RPAP2: variants seen among roughly 807,000 people sequenced by gnomAD.
RPAP2 encodes RNA polymerase II associated protein 2.
RPAP2 carries 52 observed loss-of-function variants against 73.1 expected under a neutral mutation model. The ratio of observed to expected loss-of-function variants is 0.71; its 90% CI spans 0.57 to 0.90. The LOEUF is 0.90. Ranked by LOEUF, RPAP2 falls within the 40% of genes least tolerant of loss-of-function variation. The probability of loss-of-function intolerance (pLI) is 0.00; values close to 1 mark genes in which losing one functional copy is unlikely to be tolerated. For missense variants in RPAP2, 598 were observed against 701.8 expected, an observed-to-expected ratio of 0.85 and a Z score of 1.67; for synonymous variants, 225 against 242.1, an observed-to-expected ratio of 0.93 and a Z score of 0.65.
chr1:92,345,400 AAGAGAG>A (rs1180516669), intron 10 of RPAP2, among the ~76,000 whole-genome samples: 1 of 138,318 alleles, frequency 7.2e-6, no homozygotes, highest in African/African-American at 2.7e-5. Flanking sequence ...AAAAAAAAAA[AAGAGAG>A]AGAGAGAAGA....
intron 6 of RPAP2, among the ~76,000 whole-genome samples, chr1:92,318,634 A>G (rs531762082): frequency 1.3e-5 from 2 of 152,270 alleles, no homozygotes; most frequent in South Asian, 2.1e-4. Flanking sequence ...TTTTCTTCAT[A>G]TGGGCTCTCA....
intron 11 of RPAP2, among the ~76,000 whole-genome samples, chr1:92,362,365 A>G (rs1654766545): frequency 6.6e-6 from 1 of 152,152 alleles, no homozygotes; most frequent in African/African-American, 2.4e-5. Context: ...AAATGCTTCC[A>G]TTTTATTCCT....
intron 6 of RPAP2, among the ~76,000 whole-genome samples, chr1:92,316,904 T>C (rs532016670): frequency 1.3e-5 from 2 of 152,288 alleles, no homozygotes; most frequent in South Asian, 4.1e-4. Flanking sequence ...TCTTTATAGA[T>C]TGGGGATGAG....
chr1:92,380,138 C>T (rs907379302), intron 11 of RPAP2, among the ~76,000 whole-genome samples: 3 of 151,100 alleles, frequency 2.0e-5, no homozygotes, highest in East Asian at 2.0e-4. Context: ...ATTAGCCGGG[C>T]GTGGTGGCAA....
At chr1:92,301,922 C>T (rs1015033630) in intron 3 of RPAP2, among the ~76,000 whole-genome samples, 2 of 152,132 alleles carry the variant, frequency 1.3e-5, no homozygotes, top group African/African-American at 4.8e-5. Flanking sequence ...GCCTGATTTG[C>T]TCAATGTATA....
At chr1:92,322,493 G>A (rs1284832155) in intron 7 of RPAP2, among the ~76,000 whole-genome samples, 2 of 151,648 alleles carry the variant, frequency 1.3e-5, no homozygotes, top group East Asian at 3.9e-4. Flanking sequence ...GCAGTGAACC[G>A]AGATCTTGCC....
chr1:92,327,497 A>G (rs552910004), intron 8 of RPAP2, among the ~76,000 whole-genome samples: 63 of 152,218 alleles, frequency 4.1e-4, no homozygotes, highest in African/African-American at 1.4e-3. Flanking sequence ...TTTGGTGTCC[A>G]TTTGCATGGA....
chr1:92,326,420 A>G (rs1652631594), intron 8 of RPAP2, among the ~76,000 whole-genome samples: 1 of 152,030 alleles, frequency 6.6e-6, no homozygotes, highest in African/African-American at 2.4e-5. Flanking sequence ...TTAATGTACT[A>G]TTTTTGTGCT....
chr1:92,332,263 T>C (rs1653013086), intron 8 of RPAP2, among the ~76,000 whole-genome samples: 1 of 152,116 alleles, frequency 6.6e-6, no homozygotes, highest in Non-Finnish European at 1.5e-5. Flanking sequence ...GTCTCCCCAT[T>C]AGTTCTTACT....
intron 10 of RPAP2, among the ~76,000 whole-genome samples, chr1:92,342,851 C>CA (rs1420186360): frequency 6.6e-6 from 1 of 152,088 alleles, no homozygotes; most frequent in Non-Finnish European, 1.5e-5. Flanking sequence ...ATAGGAGTGT[C>CA]ACACCATCCT....
intron 11 of RPAP2, among the ~76,000 whole-genome samples, chr1:92,361,609 A>T (rs1571125410): frequency 6.6e-6 from 1 of 152,298 alleles, no homozygotes; most frequent in East Asian, 1.9e-4. Context: ...TCTGATAAAG[A>T]TGGGACTATT....
Position 92,343,272 on chromosome 1 carries a change from G to A in RPAP2, c.1620-2574G>A, listed in dbSNP as rs981373114. ...TTAAGATGAGGGTTGCGAAATGTCCGTTGGATTTGGCAGTATGGCTGTCTC... is the reference window on the plus strand; with the variant it reads ...TTAAGATGAGGGTTGCGAAATGTCCATTGGATTTGGCAGTATGGCTGTCTC... On this transcript the variant is annotated intron_variant, in intron 10 of 12. Transcript: ENST00000610020. Among the ~76,000 whole-genome samples the A allele has an allele frequency of 4.6e-5, 7 of 152,180 alleles. 1 individual carries two copies. The highest frequency in any genetic ancestry group is 2.0e-4 in the Admixed American group (3 of 15,274).
At chr1:92,358,788 T>C (rs1654606054) in intron 11 of RPAP2, among the ~76,000 whole-genome samples, 1 of 152,142 alleles carries the variant, frequency 6.6e-6, no homozygotes, top group South Asian at 2.1e-4. Flanking sequence ...GGGTCTCACT[T>C]TGTTGCCCAG....
Position 92,399,289 on chromosome 1 carries a change from T to C in RPAP2, c.*12278T>C, listed in dbSNP as rs889484163. ...AGGAAATTCTGGACTCCCTTGGGGC[T>C]TGCAAAACTCCCTATGTCTTGCAGA... On this transcript the variant is annotated 3_prime_UTR_variant, in exon 13 of 13. Coordinates refer to ENST00000610020, the MANE Select transcript of RPAP2 (RefSeq NM_024813.3). The C allele has an allele frequency of 9.9e-5, 15 of 152,236 alleles. No individual in the cohort carries two copies. The highest frequency in any genetic ancestry group is 3.6e-4 in the African/African-American group (15 of 41,450). 9.4% of individuals were successfully genotyped at this position (152,236 alleles called of 1,614,324 possible).
chr1:92,315,873 A>G (rs562954817), intron 6 of RPAP2, among the ~76,000 whole-genome samples: 1 of 152,328 alleles, frequency 6.6e-6, no homozygotes, highest in East Asian at 1.9e-4. Flanking sequence ...GAGACAAAAC[A>G]TTGACCTAGA....
rs1350315151 is a variant in RPAP2, at chr1:92,400,274, G to A, written c.*13263G>A. 1 of 152,266 alleles carries A rather than the reference G, an allele frequency of 6.6e-6. No individual in the cohort carries two copies. The highest frequency in any genetic ancestry group is 1.5e-5 in the Non-Finnish European group (1 of 68,112). 9.4% of individuals were successfully genotyped at this position (152,266 alleles called of 1,614,324 possible). A position where few individuals can be genotyped will look rare whatever the true frequency, so the allele number is the denominator to read the frequency against. On this transcript the variant is annotated 3_prime_UTR_variant, in exon 13 of 13. Transcript: ENST00000610020. The stretch of plus-strand genomic sequence containing the variant: ...AACAAGGGTCACCGCCAGAGGGAAA[G>A]CTGAGTTTACGGAGGGGATCCTGGT...
intron 11 of RPAP2, among the ~76,000 whole-genome samples, chr1:92,359,317 ATATT>A (rs962237599): frequency 6.6e-6 from 1 of 152,086 alleles, no homozygotes; most frequent in Non-Finnish European, 1.5e-5. Context: ...TTTTTATTTT[ATATT>A]TATTTATTTA....
rs973046574 is a variant in RPAP2 at position 92,389,488 on chromosome 1, T to C, written c.*2477T>C. On this transcript the variant is annotated 3_prime_UTR_variant, in exon 13 of 13. Transcript: ENST00000610020. ...CCAAAAACCAGAATGCCTCTTCTCC[T>C]CCAAAGGAACACAACTCCTTGCCAG... 2 of 152,102 alleles carry C rather than the reference T, an allele frequency of 1.3e-5. No homozygotes were observed. The highest frequency in any genetic ancestry group is 4.8e-5 in the African/African-American group (2 of 41,408). The allele number at this position is 152,102 out of a possible 1,614,324, so 9.4% of individuals were successfully genotyped here.
At chr1:92,365,658 C>CT (rs1214560524) in intron 11 of RPAP2, among the ~76,000 whole-genome samples, 9 of 152,176 alleles carry the variant, frequency 5.9e-5, no homozygotes, top group African/African-American at 2.2e-4. Context: ...TTCCTCTTGA[C>CT]TATCACAAAG....
Sources: allele counts gnomAD v4.1 joint callset (sites outside exome capture counted in the v4.1 genomes callset), GRCh38; gene constraint gnomAD v4.1.1; transcripts MANE v1.5; gene names NCBI Gene and HGNC (gene_info 2026-07-23, HGNC 2026-07-21).